CNTN5: variants seen among roughly 807,000 people sequenced by gnomAD.
The protein encoded by CNTN5 is contactin 5.
A neutral mutation model predicts 129.1 loss-of-function variants in CNTN5; 77 were observed. That is an observed-to-expected ratio of 0.60 (90% CI 0.50 to 0.72). The LOEUF (loss-of-function observed/expected upper bound fraction) is 0.72. Among genes scored for constraint, CNTN5 ranks in the 30% least tolerant of loss-of-function variants. The pLI is 0.00. For missense variants in CNTN5, 1,478 were observed against 1,328.8 expected (o/e 1.11, Z -1.75); for synonymous variants, 509 against 465.6 (o/e 1.09, Z -1.20).
chr11:99,263,620 T>C (rs903706154), intron 1 of CNTN5, among the ~76,000 whole-genome samples: 2 of 152,076 alleles, frequency 1.3e-5, no homozygotes, highest in Non-Finnish European at 2.9e-5. Context: ...TTATTTTATT[T>C]GATTTTTATT....
intron 8 of CNTN5, among the ~76,000 whole-genome samples, chr11:99,968,656 CTTTTTTTTTTTTTTTTT>C (rs71050037): frequency 1.4e-5 from 1 of 73,870 alleles, no homozygotes; most frequent in Non-Finnish European, 2.5e-5. Flanking sequence ...GCTTTGGGTA[CTTTTTTTTTTTTTTTTT>C]TTTTTTTTTT....
At chr11:100,164,334 G>A (rs1947554008) in intron 13 of CNTN5, among the ~76,000 whole-genome samples, 1 of 151,710 alleles carries the variant, frequency 6.6e-6, no homozygotes, top group Admixed American at 6.6e-5. Flanking sequence ...ATTTTATTTA[G>A]CCTTTCAATT....
intron 6 of CNTN5, among the ~76,000 whole-genome samples, chr11:99,900,143 A>T (rs1591386718): frequency 6.9e-6 from 1 of 145,162 alleles, no homozygotes. Context: ...AATTTTCTTT[A>T]TCCTTTCAAA....
chr11:100,251,725 C>T (rs1193244249), intron 16 of CNTN5, among the ~76,000 whole-genome samples: 1 of 152,116 alleles, frequency 6.6e-6, no homozygotes, highest in Non-Finnish European at 1.5e-5. Context: ...CCATTTCCAT[C>T]CATGTTGCCA....
intron 2 of CNTN5, among the ~76,000 whole-genome samples, chr11:99,446,105 C>A (rs1333842559): frequency 2.1e-5 from 3 of 143,412 alleles, no homozygotes; most frequent in African/African-American, 7.7e-5. Flanking sequence ...AAAAAAACAA[C>A]CAAACTTCCT....
chr11:99,587,149 A>T (rs1298611079), intron 3 of CNTN5, among the ~76,000 whole-genome samples: 2 of 152,154 alleles, frequency 1.3e-5, no homozygotes, highest in East Asian at 3.9e-4. Context: ...GCAACTCAGA[A>T]ATGAAGAGGT....
intron 1 of CNTN5, among the ~76,000 whole-genome samples, chr11:99,053,731 G>C (rs1864519075): frequency 6.6e-6 from 1 of 151,928 alleles, no homozygotes; most frequent in Non-Finnish European, 1.5e-5. Context: ...AATAGAGGAT[G>C]ATATAATGAG....
chr11:99,703,007 G>A (rs1435837521), intron 3 of CNTN5, among the ~76,000 whole-genome samples: 2 of 150,844 alleles, frequency 1.3e-5, no homozygotes, highest in Non-Finnish European at 3.0e-5. Context: ...TATAAACGTC[G>A]CATGAAGATG....
At chr11:99,678,240 G>C (rs1015200144) in intron 3 of CNTN5, among the ~76,000 whole-genome samples, 17 of 151,860 alleles carry the variant, frequency 1.1e-4, no homozygotes, top group African/African-American at 3.1e-4. Flanking sequence ...TAACTACCTG[G>C]TTAAGTAGCA....
At chr11:99,628,826 C>T (rs1951233211) in intron 3 of CNTN5, among the ~76,000 whole-genome samples, 1 of 151,910 alleles carries the variant, frequency 6.6e-6, no homozygotes, top group Admixed American at 6.6e-5. Context: ...AAATAATGGC[C>T]TTCCCTTATA....
intron 1 of CNTN5, among the ~76,000 whole-genome samples, chr11:99,090,984 T>G (rs1591175494): frequency 8.0e-6 from 1 of 124,526 alleles, no homozygotes; most frequent in Non-Finnish European, 1.5e-5. Flanking sequence ...ATCGTGCCAC[T>G]GCACTCCAGC....
intron 1 of CNTN5, among the ~76,000 whole-genome samples, chr11:99,147,222 T>G (rs1817121989): frequency 6.6e-6 from 1 of 152,202 alleles, no homozygotes; most frequent in Non-Finnish European, 1.5e-5. Context: ...TTCTTTTTAC[T>G]TTCATGTAAG....
chr11:100,188,280 C>A (rs921342113), intron 13 of CNTN5, among the ~76,000 whole-genome samples: 1 of 152,066 alleles, frequency 6.6e-6, no homozygotes, highest in African/African-American at 2.4e-5. Flanking sequence ...CATATCTCTA[C>A]AAAACATACA....
intron 8 of CNTN5, among the ~76,000 whole-genome samples, chr11:99,995,801 C>A (rs897328344): frequency 6.6e-6 from 1 of 152,056 alleles, no homozygotes; most frequent in Non-Finnish European, 1.5e-5. Flanking sequence ...AAAATTTGCT[C>A]CAAGGCTATC....
At chr11:99,581,044 T>C (rs1331381432) in intron 3 of CNTN5, among the ~76,000 whole-genome samples, 3 of 149,368 alleles carry the variant, frequency 2.0e-5, no homozygotes, top group Non-Finnish European at 4.5e-5. Flanking sequence ...TTTGTTCTCG[T>C]TGGTTTCAAA....
chr11:99,354,899 G>C (rs1171541504), intron 2 of CNTN5, among the ~76,000 whole-genome samples: 2 of 152,164 alleles, frequency 1.3e-5, no homozygotes, highest in African/African-American at 4.8e-5. Context: ...ACAATCTACA[G>C]TTTCTGGCGC....
At chr11:100,000,528 G>A (rs1003302706) in intron 8 of CNTN5, among the ~76,000 whole-genome samples, 8 of 152,320 alleles carry the variant, frequency 5.3e-5, no homozygotes, top group East Asian at 1.9e-4. Context: ...ATGGGCTGCC[G>A]TTGAGTGCCT....
At chr11:99,569,971 A>G (rs903421243) in intron 3 of CNTN5, among the ~76,000 whole-genome samples, 15 of 152,116 alleles carry the variant, frequency 9.9e-5, no homozygotes, top group Non-Finnish European at 2.1e-4. Context: ...AACCAATAAA[A>G]AATTACTAAA....
intron 2 of CNTN5, among the ~76,000 whole-genome samples, chr11:99,342,398 A>T (rs975961242): frequency 6.6e-6 from 1 of 151,688 alleles, no homozygotes; most frequent in Non-Finnish European, 1.5e-5. Flanking sequence ...TTTAAAAATT[A>T]TTTATTTTTT....
Sources: gnomAD v4.1 joint callset for allele counts (sites outside exome capture counted in the v4.1 genomes callset) on GRCh38, gnomAD v4.1.1 for gene constraint, MANE v1.5 for transcripts, NCBI Gene and HGNC (gene_info 2026-07-23, HGNC 2026-07-21) for gene names.